The following KANK4 variants were observed in gnomAD, a reference collection of about 807,000 sequenced individuals.
KANK4 encodes the protein KN motif and ankyrin repeat domains 4.
Under a neutral mutation model 80.8 loss-of-function variants are expected in KANK4, and 50 were observed. The ratio of observed to expected loss-of-function variants is 0.62; its 90% CI spans 0.49 to 0.78. The LOEUF (loss-of-function observed/expected upper bound fraction) is 0.78. Ranked by LOEUF, KANK4 falls within the 30% of genes least tolerant of loss-of-function variation. The pLI is 0.00. For synonymous variants in KANK4, 465 were observed against 506.9 expected, an observed-to-expected ratio of 0.92 and a Z score of 1.11; for missense variants, 1,196 against 1,240.1, an observed-to-expected ratio of 0.96 and a Z score of 0.53.
At chr1:62,253,321 G>A (rs1055697008) in intron 7 of KANK4, 112 bp from the exon 8 acceptor site, 64 of 938,722 alleles carry the variant, frequency 6.8e-5, no homozygotes, top group Non-Finnish European at 8.8e-5. Context: ...ATGGACTAGA[G>A]CAATGCTTTC....
At chr1:62,311,827 C>T (rs1158249722) in intron 1 of KANK4, among the ~76,000 whole-genome samples, 2 of 152,182 alleles carry the variant, frequency 1.3e-5, no homozygotes, top group African/African-American at 2.4e-5. Context: ...GTCTTCTACC[C>T]AAACCACAAA....
intron 1 of KANK4, among the ~76,000 whole-genome samples, chr1:62,284,247 C>T (rs936732675): frequency 1.2e-4 from 18 of 152,262 alleles, no homozygotes; most frequent in African/African-American, 4.3e-4. Flanking sequence ...ACTGCCACAT[C>T]AACATATGCA....
chr1:62,238,345 G>A lies in KANK4; in HGVS notation c.2920C>T (p.Pro974Ser), dbSNP rs1386080589. The A allele has an allele frequency of 5.6e-6, 9 of 1,614,088 alleles. No homozygotes were observed. The Admixed American group carries it at 1.5e-4, about 27-fold the overall frequency. ...RTALSIALKS[P>S]THMEIAGLLR... is the part of the protein sequence containing the mutation. ...AGCCCAGCAATTTCCATATGGGTGG[G>A]TGACTTCAGAGCGATGGACAAAGCT... Residue 974 changes from proline to serine, a missense_variant, in exon 10 of 10, where the codon CCC (proline) becomes TCC (serine). Transcript: ENST00000371153.
intron 1 of KANK4, among the ~76,000 whole-genome samples, chr1:62,317,786 T>C (rs758809997): frequency 3.9e-5 from 6 of 152,200 alleles, no homozygotes; most frequent in Non-Finnish European, 8.8e-5. Flanking sequence ...ATTTAATTCC[T>C]GTTGGTGTTG....
At chr1:62,276,824 T>C (rs763849531) in intron 2 of KANK4, among the ~76,000 whole-genome samples, 12 of 151,054 alleles carry the variant, frequency 7.9e-5, no homozygotes, top group Non-Finnish European at 1.5e-4. Flanking sequence ...ATAAAGTATT[T>C]TGGACAATGC....
At chr1:62,270,669 C>G (rs1436841068) in intron 4 of KANK4, among the ~76,000 whole-genome samples, 1 of 152,098 alleles carries the variant, frequency 6.6e-6, no homozygotes, top group Non-Finnish European at 1.5e-5. Context: ...CAGGCATGAG[C>G]CACAGCGACT....
chr1:62,255,903 G>C (rs1671741589), intron 7 of KANK4, among the ~76,000 whole-genome samples: 1 of 152,066 alleles, frequency 6.6e-6, no homozygotes, highest in Admixed American at 6.6e-5. Flanking sequence ...ATCCACTTTG[G>C]CCTCCCAAAA....
chr1:62,271,638 G>C (rs1301567616), intron 3 of KANK4, 49 bp from the exon 4 acceptor site: 6 of 1,378,354 alleles, frequency 4.4e-6, no homozygotes, highest in Non-Finnish European at 6.2e-6. Flanking sequence ...GGATGCATGG[G>C]AATGTAGCAA....
intron 7 of KANK4, among the ~76,000 whole-genome samples, chr1:62,256,876 G>A (rs1671764616): frequency 6.6e-6 from 1 of 152,110 alleles, no homozygotes; most frequent in African/African-American, 2.4e-5. Flanking sequence ...GTCCTGATAC[G>A]GAAGTGAACG....
chr1:62,269,447 C>T (rs1175713739), intron 4 of KANK4, among the ~76,000 whole-genome samples: 1 of 152,170 alleles, frequency 6.6e-6, no homozygotes, highest in African/African-American at 2.4e-5. Flanking sequence ...ACTGAGTCTG[C>T]TCCCTGCTAT....
intron 7 of KANK4, among the ~76,000 whole-genome samples, chr1:62,259,089 T>C (rs1208823974): frequency 6.6e-6 from 1 of 152,044 alleles, no homozygotes; most frequent in Non-Finnish European, 1.5e-5. Context: ...CCGCCTCTCA[T>C]GCTAAGAGCA....
At chr1:62,277,437 T>C (rs1308178758) in intron 2 of KANK4, among the ~76,000 whole-genome samples, 2 of 152,184 alleles carry the variant, frequency 1.3e-5, no homozygotes, top group African/African-American at 4.8e-5. Flanking sequence ...TATTTTATAG[T>C]TAAAGGTGGA....
chr1:62,274,687 C>A lies in KANK4; in HGVS notation c.417G>T (p.Gln139His), dbSNP rs1672264780. 6.2e-7 allele frequency: 1 copy of A among 1,614,124 alleles called. No individual in the cohort carries two copies. The highest frequency in any genetic ancestry group is 2.2e-5 in the East Asian group (1 of 44,894). ...RKALLAEATR[Q>H]LEAAEPEDAE... ...CATCCTCTGGCTCAGCAGCTTCCAA[C>A]TGTCTGGTGGCCTCTGCCAACAGAG... Residue 139 changes from glutamine (Q) to histidine (H), a missense_variant, in exon 3 of 10, where the codon CAG becomes CAT. Gln to His is a conservative substitution (Grantham distance 24, BLOSUM62 0). Around this residue, in one of 3 missense-constraint regions of KANK4, gnomAD observed 1,154 missense variants for 1,179.6 expected, o/e 0.98. Coordinates refer to ENST00000371153, the MANE Select transcript of KANK4 (RefSeq NM_181712.5).
intron 7 of KANK4, among the ~76,000 whole-genome samples, chr1:62,262,196 C>G (rs926102698): frequency 6.6e-6 from 1 of 152,208 alleles, no homozygotes; most frequent in Admixed American, 6.5e-5. Flanking sequence ...GTATATAGCT[C>G]TGGAGGTGGA....
intron 1 of KANK4, among the ~76,000 whole-genome samples, chr1:62,281,979 T>C (rs1415744489): frequency 6.6e-6 from 1 of 152,184 alleles, no homozygotes; most frequent in African/African-American, 2.4e-5. Flanking sequence ...AGGCTTCTGA[T>C]ACCAGCACAG....
intron 1 of KANK4, among the ~76,000 whole-genome samples, chr1:62,299,235 A>T (rs1886833): frequency 0.69 from 105,065 of 151,608 alleles, 36,607 homozygotes; most frequent in East Asian, 0.87. Context: ...TTTTTAAAAA[A>T]TTTTTTGTAA....
At chr1:62,305,100 C>T (rs1182252184) in intron 1 of KANK4, among the ~76,000 whole-genome samples, 1 of 152,186 alleles carries the variant, frequency 6.6e-6, no homozygotes. Flanking sequence ...TGTGAATCCC[C>T]TCCATTGTAC....
intron 1 of KANK4, among the ~76,000 whole-genome samples, chr1:62,295,550 C>G (rs1373281355): frequency 2.0e-5 from 3 of 152,162 alleles, no homozygotes; most frequent in African/African-American, 7.2e-5. Context: ...TTCAATCAGT[C>G]CACTGATTAT....
chr1:62,271,572 T>C lies in KANK4; in HGVS notation c.1918A>G (p.Ser640Gly). 1 of 1,613,624 alleles carries C rather than the reference T, an allele frequency of 6.2e-7. No homozygotes were observed. Among genetic ancestry groups the C allele is most frequent in the Non-Finnish European group, 8.5e-7 (1 of 1,179,546 alleles). ...SPPVEISPST[S>G]LKSIMKKKDY... ...TTCTTTTTCATTATGGATTTAAGGC[T>C]GGTCGATGGGGAGATCTCTAGGCAG... Residue 640 changes from serine to glycine, a missense_variant, in exon 4 of 10, where the codon AGC becomes GGC. Ser to Gly is a moderately conservative substitution (Grantham distance 56). Coordinates refer to ENST00000371153, the MANE Select transcript of KANK4 (RefSeq NM_181712.5).
Sources: gnomAD v4.1 joint callset for allele counts (sites outside exome capture counted in the v4.1 genomes callset) on GRCh38, gnomAD v4.1.1 for gene constraint, gnomAD v4.1.1 regional missense constraint, MANE v1.5 for transcripts, NCBI Gene and HGNC (gene_info 2026-07-23, HGNC 2026-07-21) for gene names.